Variants in RIN2 observed in about 807,000 individuals in gnomAD.
RIN2 encodes the protein RAB5 interacting protein 2.
In RIN2, 36 loss-of-function variants were observed where a neutral mutation model predicts 78.0. That is an observed-to-expected ratio of 0.46 (90% CI 0.35 to 0.61). The LOEUF (loss-of-function observed/expected upper bound fraction) is 0.61, where lower values mean the gene tolerates loss of function less well. RIN2 is among the 20% of genes least tolerant of loss of function. The probability of loss-of-function intolerance (pLI) is 0.00; values close to 1 mark genes in which losing one functional copy is unlikely to be tolerated. For synonymous variants in RIN2, 466 were observed against 466.8 expected (o/e 1.00, Z 0.02); for missense variants, 1,087 against 1,159.7 (o/e 0.94, Z 0.91).
chr20:19,952,460 T>G (rs1198408132), intron 4 of RIN2, among the ~76,000 whole-genome samples: 1 of 152,222 alleles, frequency 6.6e-6, no homozygotes, highest in African/African-American at 2.4e-5. Context: ...TAATATGCTA[T>G]AAACCTCAAG....
In RIN2 at chr20:19,990,214, G is replaced by C; in HGVS notation, c.1971G>C (p.Lys657Asn). The change falls in exon 10 of 13, where the codon AAG (lysine) becomes AAC (asparagine). Residue 657 changes from lysine (K) to asparagine (N), a missense_variant. Physicochemically the swap from Lys to Asn is moderately conservative, Grantham distance 94. Transcript: ENST00000255006. The part of the protein sequence containing the change: ...DFVDVEKIKV[K>N]FMTMQKMYSP... Reference sequence around the variant, plus strand: ...TGGATGTGGAGAAAATCAAAGTCAAGTTCATGACCATGCAGAAGATGTATT... The same window carrying C: ...TGGATGTGGAGAAAATCAAAGTCAACTTCATGACCATGCAGAAGATGTATT... The C allele has an allele frequency of 6.2e-7, 1 of 1,612,332 alleles. No individual in the cohort carries two copies. Among genetic ancestry groups the C allele is most frequent in the Non-Finnish European group, 8.5e-7 (1 of 1,179,346 alleles).
chr20:19,858,024 CTA>C (rs1420834033), intron 2 of RIN2, among the ~76,000 whole-genome samples: 1 of 152,092 alleles, frequency 6.6e-6, no homozygotes, highest in Non-Finnish European at 1.5e-5. Context: ...TTCTCCTGCT[CTA>C]TGTCTTATTC....
chr20:19,969,154 C>A (rs1336431429), intron 7 of RIN2, among the ~76,000 whole-genome samples: 2 of 152,160 alleles, frequency 1.3e-5, no homozygotes, highest in Non-Finnish European at 2.9e-5. Flanking sequence ...TTCCATGGCT[C>A]CAAAATTCTC....
intron 2 of RIN2, among the ~76,000 whole-genome samples, chr20:19,846,659 T>G (rs898783451): frequency 6.6e-6 from 1 of 152,240 alleles, no homozygotes; most frequent in Non-Finnish European, 1.5e-5. Context: ...TCATGTCATC[T>G]GCAAACACAG....
intron 2 of RIN2, among the ~76,000 whole-genome samples, chr20:19,877,299 C>T (rs1016345452): frequency 1.3e-5 from 2 of 152,224 alleles, no homozygotes; most frequent in Middle Eastern, 6.8e-3. Context: ...ATAACATTAC[C>T]CCAGCCCCAG....
chr20:19,907,317 A>G (rs537195503), intron 3 of RIN2, among the ~76,000 whole-genome samples: 2 of 152,334 alleles, frequency 1.3e-5, no homozygotes, highest in African/African-American at 4.8e-5. Flanking sequence ...TTTCCAACAT[A>G]TGAACTTTGA....
chr20:19,972,312 C>A (rs550211151), intron 8 of RIN2, among the ~76,000 whole-genome samples: 28 of 152,138 alleles, frequency 1.8e-4, no homozygotes, highest in Non-Finnish European at 2.6e-4. Context: ...TCTCTCCCGA[C>A]CTCTGTCCAC....
chr20:19,973,300 T>C (rs1366092953), intron 8 of RIN2, among the ~76,000 whole-genome samples: 1 of 152,162 alleles, frequency 6.6e-6, no homozygotes, highest in Non-Finnish European at 1.5e-5. Flanking sequence ...TTGGCTTTCT[T>C]GTTGGACAGT....
intron 3 of RIN2, among the ~76,000 whole-genome samples, chr20:19,900,244 G>A (rs1374467033): frequency 6.6e-6 from 1 of 152,172 alleles, no homozygotes; most frequent in Non-Finnish European, 1.5e-5. Context: ...AGCACTTTGG[G>A]AGGCTGAGGC....
At chr20:19,999,772 GC>G (rs1407167767) in intron 12 of RIN2, among the ~76,000 whole-genome samples, 1 of 152,176 alleles carries the variant, frequency 6.6e-6, no homozygotes, top group Non-Finnish European at 1.5e-5. Flanking sequence ...ACCTGAGCCT[GC>G]AAACGTCTTT....
intron 12 of RIN2, among the ~76,000 whole-genome samples, chr20:19,998,141 G>A (rs1374903223): frequency 2.0e-5 from 3 of 151,994 alleles, no homozygotes; most frequent in Non-Finnish European, 2.9e-5. Context: ...ACCACACCTG[G>A]CTAATTTATT....
intron 9 of RIN2, among the ~76,000 whole-genome samples, chr20:19,989,199 G>C (rs1350743661): frequency 1.3e-5 from 2 of 151,146 alleles, no homozygotes; most frequent in East Asian, 3.9e-4. Context: ...AGCAAATGAA[G>C]AATTTTTTAG....
chr20:19,907,237 T>A (rs1568595855), intron 3 of RIN2, among the ~76,000 whole-genome samples: 1 of 152,238 alleles, frequency 6.6e-6, no homozygotes, highest in Non-Finnish European at 1.5e-5. Flanking sequence ...CCATTCAAGA[T>A]GGCAGACCCC....
chr20:19,776,642 G>C (rs1326061828), intron 1 of RIN2, among the ~76,000 whole-genome samples: 1 of 151,782 alleles, frequency 6.6e-6, no homozygotes, highest in African/African-American at 2.4e-5. Context: ...TGAGGTGGAA[G>C]AATTGCTTGA....
At chr20:19,994,105 A>G (rs892459600) in intron 11 of RIN2, among the ~76,000 whole-genome samples, 1 of 152,210 alleles carries the variant, frequency 6.6e-6, no homozygotes, top group African/African-American at 2.4e-5. Context: ...CACGAATCCC[A>G]CAAGAAAGAC....
chr20:19,903,214 G>C (rs891511725), intron 3 of RIN2, among the ~76,000 whole-genome samples: 2 of 152,212 alleles, frequency 1.3e-5, no homozygotes, highest in Admixed American at 6.5e-5. Context: ...TTTGTTGCTA[G>C]GGGTAGCTTG....
Position 19,990,006 on chromosome 20 carries a change from A to T in RIN2, c.1763A>T (p.Asp588Val). The T allele has an allele frequency of 6.5e-7, 1 of 1,549,030 alleles. No homozygotes were observed. The highest frequency in any genetic ancestry group is 8.7e-7 in the Non-Finnish European group (1 of 1,149,008). Residue 588 changes from aspartate to valine, a missense_variant and splice_region_variant, in exon 10 of 13, where the codon GAT becomes GTT. Physicochemically the swap from Asp to Val is radical, Grantham distance 152. Coordinates refer to ENST00000255006, the MANE Select transcript of RIN2 (RefSeq NM_018993.4). ...ATAGTAGCTACACTTTCTTTGGCAG[A>T]TGTGGTGCTGGAAAAAGCCATGCAC... ...IESLIPEDQI[D>V]VVLEKAMHKC...
chr20:19,785,126 T>C lies in RIN2; in HGVS notation c.-162-14496T>C, dbSNP rs572453083. ...AACCACCCACACGCTGTCCCCTGCCTACATCAACTCTCACTCACGATCCAG... is the reference window on the plus strand; with the variant it reads ...AACCACCCACACGCTGTCCCCTGCCCACATCAACTCTCACTCACGATCCAG... On this transcript the variant is annotated intron_variant, in intron 1 of 12. Transcript: ENST00000255006. Among the ~76,000 whole-genome samples, 14 of 152,214 alleles carry C rather than the reference T, an allele frequency of 9.2e-5. No individual in the cohort carries two copies. In the South Asian group the frequency reaches 2.7e-3, roughly 29 times the overall value.
intron 11 of RIN2, among the ~76,000 whole-genome samples, chr20:19,995,694 G>A (rs942086425): frequency 6.6e-6 from 1 of 152,128 alleles, no homozygotes; most frequent in Admixed American, 6.5e-5. Context: ...GAAGGGGGGG[G>A]TAAGAAAGGG....
Sources: allele counts gnomAD v4.1 joint callset (sites outside exome capture counted in the v4.1 genomes callset), GRCh38; gene constraint gnomAD v4.1.1; transcripts MANE v1.5; gene names NCBI Gene and HGNC (gene_info 2026-07-23, HGNC 2026-07-21).